Variants in ALK observed in about 807,000 individuals in gnomAD.
ALK encodes the protein ALK receptor tyrosine kinase.
Under a neutral mutation model 163.1 loss-of-function variants are expected in ALK, and 74 were observed. The ratio of observed to expected loss-of-function variants is 0.45; its 90% CI spans 0.38 to 0.55. The LOEUF is 0.55. Among genes scored for constraint, ALK ranks in the 20% least tolerant of loss-of-function variants. The pLI is 0.00. For missense variants in ALK, 2,063 were observed against 2,105.3 expected (o/e 0.98, Z 0.39); for synonymous variants, 960 against 843.2 (o/e 1.14, Z -2.40).
At position 29,913,412 on chromosome 2, in the gene ALK, G is replaced by A. The variant is rs971090111; in HGVS notation, c.667+6581C>T. The stretch of plus-strand genomic sequence containing the variant: ...CCTCACCACCAGGCCAACACTCCCT[G>A]CTTACATCTTGACCTGTGTGAAAGA... On this transcript the variant is annotated intron_variant, in intron 1 of 28. Transcript: ENST00000389048. Among the ~76,000 whole-genome samples the A allele has an allele frequency of 3.9e-5, 6 of 152,144 alleles. No homozygotes were observed. In the East Asian group the frequency reaches 9.6e-4, roughly 24 times the overall value.
chr2:29,387,426 G>T (rs1368018766), intron 4 of ALK, among the ~76,000 whole-genome samples: 2 of 152,130 alleles, frequency 1.3e-5, no homozygotes. Context: ...AAGGCAGGAG[G>T]GTTGGCTTGT....
chr2:29,844,587 C>A (rs578036469), intron 1 of ALK, among the ~76,000 whole-genome samples: 1 of 152,140 alleles, frequency 6.6e-6, no homozygotes, highest in East Asian at 1.9e-4. Context: ...TTATTAGATT[C>A]CCAAAGGAGT....
chr2:29,908,731 C>T (rs1667618644), intron 1 of ALK, among the ~76,000 whole-genome samples: 1 of 152,206 alleles, frequency 6.6e-6, no homozygotes, highest in Non-Finnish European at 1.5e-5. Flanking sequence ...GGAGGTACAG[C>T]ATGAAACTCT....
intron 4 of ALK, among the ~76,000 whole-genome samples, chr2:29,400,177 C>A (rs1049305730): frequency 6.6e-6 from 1 of 151,994 alleles, no homozygotes; most frequent in Non-Finnish European, 1.5e-5. Context: ...TTTTTTCGTT[C>A]ATTTTCATGT....
chr2:29,892,640 G>A (rs1667173785), intron 1 of ALK, among the ~76,000 whole-genome samples: 1 of 152,176 alleles, frequency 6.6e-6, no homozygotes, highest in Non-Finnish European at 1.5e-5. Context: ...GCTGAGAGCT[G>A]AAGGGATTGG....
chr2:29,617,765 C>T (rs1388083149), intron 3 of ALK, among the ~76,000 whole-genome samples: 1 of 152,206 alleles, frequency 6.6e-6, no homozygotes, highest in Non-Finnish European at 1.5e-5. Context: ...CCCATTGTAA[C>T]AGTCTTGAAT....
intron 1 of ALK, among the ~76,000 whole-genome samples, chr2:29,718,361 T>C (rs1047361913): frequency 5.3e-5 from 8 of 152,220 alleles, no homozygotes; most frequent in African/African-American, 1.2e-4. Flanking sequence ...GGATTTTGTG[T>C]GGTGAAAAGT....
chr2:29,839,741 T>C (rs1037543249), intron 1 of ALK, among the ~76,000 whole-genome samples: 1 of 152,108 alleles, frequency 6.6e-6, no homozygotes, highest in Non-Finnish European at 1.5e-5. Flanking sequence ...CCAGGGTCAT[T>C]CCCCACAAAG....
intron 1 of ALK, among the ~76,000 whole-genome samples, chr2:29,846,776 C>G (rs1665853773): frequency 6.6e-6 from 1 of 152,202 alleles, no homozygotes. Context: ...GAGTGTTTAC[C>G]ATGTGCCAGG....
intron 4 of ALK, among the ~76,000 whole-genome samples, chr2:29,472,769 A>G (rs1429991047): frequency 6.6e-6 from 1 of 152,238 alleles, no homozygotes; most frequent in Non-Finnish European, 1.5e-5. Flanking sequence ...TAACTTTTAT[A>G]AAAACACTTA....
intron 20 of ALK, among the ~76,000 whole-genome samples, chr2:29,223,046 C>T (rs1669850462): frequency 6.6e-6 from 1 of 152,076 alleles, no homozygotes; most frequent in Non-Finnish European, 1.5e-5. Flanking sequence ...GCCCTTTGCT[C>T]CCCTGCTCCC....
rs142126971 is a variant in ALK at position 29,265,387 on chromosome 2, G to A, written c.2041+9712C>T. Among the ~76,000 whole-genome samples the A allele has an allele frequency of 7.9e-3, 1,208 of 152,262 alleles. 20 individuals carry two copies. Among genetic ancestry groups the A allele is most frequent in the African/African-American group, 0.027 (1,141 of 41,550 alleles). ...AGCGTGGCCACTCCCCTAATCCCAT[G>A]TCTGACGAAATGGATTGGCTGGTAG... On this transcript the variant is annotated intron_variant, in intron 11 of 28. Coordinates refer to ENST00000389048, the MANE Select transcript of ALK (RefSeq NM_004304.5).
intron 1 of ALK, among the ~76,000 whole-genome samples, chr2:29,790,159 A>G (rs1177085693): frequency 6.6e-6 from 1 of 151,826 alleles, no homozygotes; most frequent in Admixed American, 6.5e-5. Flanking sequence ...CAGCTAAAGC[A>G]TGATTACAGC....
chr2:29,677,407 T>C (rs73921153), intron 3 of ALK, among the ~76,000 whole-genome samples: 4,842 of 151,912 alleles, frequency 0.032, 285 homozygotes, highest in African/African-American at 0.11. Flanking sequence ...TGTTGTTTGT[T>C]AGGTATGGGT....
At chr2:29,497,469 C>T (rs1672060046) in intron 4 of ALK, among the ~76,000 whole-genome samples, 1 of 152,138 alleles carries the variant, frequency 6.6e-6, no homozygotes, top group South Asian at 2.1e-4. Context: ...ATGGTGCTTG[C>T]TACTGAGTGC....
At chr2:29,826,018 T>G (rs1005094549) in intron 1 of ALK, among the ~76,000 whole-genome samples, 1 of 152,170 alleles carries the variant, frequency 6.6e-6, no homozygotes, top group Non-Finnish European at 1.5e-5. Context: ...CTCTGAATGC[T>G]AAACCAAACA....
intron 1 of ALK, among the ~76,000 whole-genome samples, chr2:29,721,262 A>G (rs1217962990): frequency 3.3e-5 from 5 of 152,132 alleles, no homozygotes; most frequent in African/African-American, 9.7e-5. Flanking sequence ...TCCAGGGCTC[A>G]TCTCTATCAT....
chr2:29,707,030 T>TGTGTGTGTGTG (rs70962235), intron 2 of ALK, among the ~76,000 whole-genome samples: 16 of 128,126 alleles, frequency 1.2e-4, no homozygotes, highest in South Asian at 7.5e-4. Context: ...TGTGTGTGTG[T>TGTGTGTGTGTG]TGGGTAAGGA....
intron 5 of ALK, among the ~76,000 whole-genome samples, chr2:29,343,209 A>ATT (rs72225984): frequency 2.8e-5 from 2 of 70,758 alleles, no homozygotes; most frequent in African/African-American, 7.1e-5. Context: ...AAATTTAAAA[A>ATT]TTTTTTTTTT....
Sources: allele counts gnomAD v4.1 joint callset (sites outside exome capture counted in the v4.1 genomes callset), GRCh38; gene constraint gnomAD v4.1.1; transcripts MANE v1.5; gene names NCBI Gene and HGNC (gene_info 2026-07-23, HGNC 2026-07-21).